SUGCT: variants seen among roughly 807,000 people sequenced by gnomAD.
SUGCT encodes the protein succinyl-CoA:glutarate-CoA transferase, also known as succinyl-CoA:glutarate CoA-transferase.
A neutral mutation model predicts 55.0 loss-of-function variants in SUGCT; 41 were observed. That is an observed-to-expected ratio of 0.74 (90% confidence interval 0.58 to 0.97). The LOEUF (loss-of-function observed/expected upper bound fraction) is 0.97. SUGCT is among the 50% of genes least tolerant of loss of function. The pLI is 0.00. For synonymous variants in SUGCT, 187 were observed against 200.4 expected (o/e 0.93, Z 0.56); for missense variants, 568 against 547.8 (o/e 1.04, Z -0.37).
At chr7:40,185,682 C>T (rs1479478203) in intron 3 of SUGCT, among the ~76,000 whole-genome samples, 1 of 152,140 alleles carries the variant, frequency 6.6e-6, no homozygotes, top group Non-Finnish European at 1.5e-5. Context: ...GCCATCACCC[C>T]CGGCTAATTT....
At chr7:40,602,036 A>G (rs898674066) in intron 12 of SUGCT, among the ~76,000 whole-genome samples, 7 of 152,208 alleles carry the variant, frequency 4.6e-5, no homozygotes, top group African/African-American at 1.4e-4. Flanking sequence ...ACCTCTTCAT[A>G]TAACAATACT....
At chr7:41,030,547 C>T in the SUGCT span, among the ~76,000 whole-genome samples, 1 of 152,128 alleles carries the variant, frequency 6.6e-6, no homozygotes, top group Admixed American at 6.5e-5. Context: ...TCCTCTCGTC[C>T]CTCCCTTTAC....
At chr7:40,212,853 C>T (rs115811415) in intron 6 of SUGCT, among the ~76,000 whole-genome samples, 3,542 of 152,098 alleles carry the variant, frequency 0.023, 133 homozygotes, top group African/African-American at 0.082. Flanking sequence ...GATTTTAATG[C>T]GTCTTTCTCA....
intron 9 of SUGCT, among the ~76,000 whole-genome samples, chr7:40,424,334 A>G (rs1787472666): frequency 6.6e-6 from 1 of 152,148 alleles, no homozygotes; most frequent in African/African-American, 2.4e-5. Flanking sequence ...CACATACTTG[A>G]TATGTGTGTA....
chr7:40,956,936 G>A, the SUGCT span, among the ~76,000 whole-genome samples: 1 of 151,994 alleles, frequency 6.6e-6, no homozygotes, highest in Admixed American at 6.5e-5. Context: ...TTTCGAGTGA[G>A]TTTCTTAATC....
intron 1 of SUGCT, among the ~76,000 whole-genome samples, chr7:40,162,625 C>T (rs1193699349): frequency 1.3e-5 from 2 of 152,260 alleles, no homozygotes; most frequent in Middle Eastern, 3.4e-3. Context: ...CACAGGCATG[C>T]ACCATCATTC....
intron 13 of SUGCT, among the ~76,000 whole-genome samples, chr7:40,782,290 T>C (rs1412991507): frequency 6.6e-6 from 1 of 152,154 alleles, no homozygotes; most frequent in East Asian, 1.9e-4. Context: ...ATCTATAATT[T>C]TTAAATATCC....
chr7:40,931,463 T>G, the SUGCT span, among the ~76,000 whole-genome samples: 1 of 152,206 alleles, frequency 6.6e-6, no homozygotes, highest in Non-Finnish European at 1.5e-5. Context: ...GATTCCCTCT[T>G]TTTCTATTGA....
In SUGCT at chr7:40,150,766, C is replaced by T. The variant is rs545703231; in HGVS notation, c.100+15646C>T. Among the ~76,000 whole-genome samples the T allele has an allele frequency of 2.8e-4, 42 of 152,330 alleles. 1 individual carries two copies. In the South Asian group the frequency reaches 8.7e-3, roughly 32 times the overall value. Reference sequence around the variant, plus strand: ...AATAAAACTCCGGTCTTCCGCTCAGCCAGCTCTGCGTGAATTACTCTTTCT... The same window carrying T: ...AATAAAACTCCGGTCTTCCGCTCAGTCAGCTCTGCGTGAATTACTCTTTCT... On this transcript the variant is annotated intron_variant, in intron 1 of 13. Coordinates refer to ENST00000335693, the MANE Select transcript of SUGCT (RefSeq NM_001193313.2).
intron 6 of SUGCT, among the ~76,000 whole-genome samples, chr7:40,232,407 G>A (rs1175831452): frequency 1.3e-5 from 2 of 152,100 alleles, no homozygotes; most frequent in Non-Finnish European, 2.9e-5. Context: ...GTTAATGAGT[G>A]GGGTTCTAAG....
rs775565696 is a variant in SUGCT, at chr7:40,666,355, AAAGGAAGGAAGGAAGG to A, written c.1090-83056_1090-83041del. Among the ~76,000 whole-genome samples the A allele has an allele frequency of 5.1e-3, 619 of 121,838 alleles. 1 individual carries two copies. The highest frequency in any genetic ancestry group is 7.7e-3 in the Non-Finnish European group (485 of 62,616). The allele number at this position is 121,838 out of a possible 152,430, so 79.9% of individuals were successfully genotyped here. Reference sequence around the variant, plus strand: ...AGAGCAAGACTCTGTCTCAAGAAAGAAAGGAAGGAAGGAAGGAAGGAAGGAAGGAAGGAAGGAAAGA... The same window carrying A: ...AGAGCAAGACTCTGTCTCAAGAAAGAAAGGAAGGAAGGAAGGAAGGAAAGA... On this transcript the variant is annotated intron_variant, in intron 12 of 13. Coordinates refer to ENST00000335693, the MANE Select transcript of SUGCT (RefSeq NM_001193313.2).
chr7:40,789,146 C>T (rs1034550420), intron 13 of SUGCT, among the ~76,000 whole-genome samples: 4 of 152,100 alleles, frequency 2.6e-5, no homozygotes, highest in Non-Finnish European at 4.4e-5. Context: ...TTTACTCTCT[C>T]AAATTTTTGA....
chr7:40,346,965 C>T (rs1471598137), intron 9 of SUGCT, among the ~76,000 whole-genome samples: 1 of 152,192 alleles, frequency 6.6e-6, no homozygotes, highest in East Asian at 1.9e-4. Flanking sequence ...CAAAAGCACC[C>T]AGTCTATGGT....
chr7:40,372,925 C>T (rs1263589376), intron 9 of SUGCT, among the ~76,000 whole-genome samples: 2 of 151,864 alleles, frequency 1.3e-5, no homozygotes, highest in African/African-American at 2.4e-5. Flanking sequence ...ATTGATTTGT[C>T]ATGAAAAGGA....
At chr7:40,905,653 G>GA in the SUGCT span, among the ~76,000 whole-genome samples, 1 of 149,762 alleles carries the variant, frequency 6.7e-6, no homozygotes. Context: ...TAGGTGCCTT[G>GA]AAAAAAAATT....
At chr7:40,137,833 C>T (rs1787777978) in intron 1 of SUGCT, among the ~76,000 whole-genome samples, 1 of 151,858 alleles carries the variant, frequency 6.6e-6, no homozygotes, top group African/African-American at 2.4e-5. Flanking sequence ...AAGTGTGTGC[C>T]ACCATGCCTG....
At chr7:40,662,313 G>A (rs1271883393) in intron 12 of SUGCT, among the ~76,000 whole-genome samples, 2 of 152,154 alleles carry the variant, frequency 1.3e-5, no homozygotes, top group Admixed American at 6.5e-5. Flanking sequence ...CACCTCACTC[G>A]TCTCCTCACA....
At chr7:40,526,026 C>G (rs1793775757) in intron 12 of SUGCT, among the ~76,000 whole-genome samples, 1 of 152,150 alleles carries the variant, frequency 6.6e-6, no homozygotes, top group South Asian at 2.1e-4. Flanking sequence ...GAAGTTGACT[C>G]ATGAATATAC....
the SUGCT span, among the ~76,000 whole-genome samples, chr7:40,930,648 G>A: frequency 6.6e-6 from 1 of 152,144 alleles, no homozygotes; most frequent in Non-Finnish European, 1.5e-5. Flanking sequence ...TCCCTTGTAA[G>A]TTGGATTCCT....
Sources: gnomAD v4.1 joint callset for allele counts (sites outside exome capture counted in the v4.1 genomes callset) on GRCh38, gnomAD v4.1.1 for gene constraint, MANE v1.5 for transcripts, NCBI Gene and HGNC (gene_info 2026-07-23, HGNC 2026-07-21) for gene names.